CNTN1: variants seen among roughly 807,000 people sequenced by gnomAD.
CNTN1 encodes the protein contactin 1, also known as contactin-1.
Under a neutral mutation model 126.4 loss-of-function variants are expected in CNTN1, and 38 were observed. That is an observed-to-expected ratio of 0.30 (90% CI 0.23 to 0.39). The LOEUF is 0.39. Among genes scored for constraint, CNTN1 ranks in the 10% least tolerant of loss-of-function variants. CNTN1 has a pLI of 1.00. For missense variants in CNTN1, 1,009 were observed against 1,248.4 expected, an observed-to-expected ratio of 0.81 and a Z score of 2.89; for synonymous variants, 413 against 422.6, an observed-to-expected ratio of 0.98 and a Z score of 0.28.
intron 1 of CNTN1, among the ~76,000 whole-genome samples, chr12:40,873,095 A>G (rs1370826735): frequency 6.6e-6 from 1 of 152,170 alleles, no homozygotes. Context: ...GTAACCCAAT[A>G]AAAGTATCAC....
At chr12:40,846,910 C>G (rs1452619322) in intron 1 of CNTN1, among the ~76,000 whole-genome samples, 1 of 152,180 alleles carries the variant, frequency 6.6e-6, no homozygotes, top group East Asian at 1.9e-4. Context: ...CTCTGTCGCC[C>G]AGGCTGGAGT....
intron 15 of CNTN1, chr12:40,972,644 C>T (rs949766196): frequency 1.1e-6 from 1 of 945,806 alleles, no homozygotes; most frequent in Non-Finnish European, 1.3e-6. Context: ...TTATTTCCTT[C>T]TTTTATATTT....
At chr12:40,743,721 C>T (rs1174956969) in intron 1 of CNTN1, among the ~76,000 whole-genome samples, 2 of 151,820 alleles carry the variant, frequency 1.3e-5, no homozygotes, top group African/African-American at 4.8e-5. Flanking sequence ...CAAAAATATT[C>T]TCCCATTTTG....
intron 1 of CNTN1, among the ~76,000 whole-genome samples, chr12:40,720,333 CTTAA>C (rs776307969): frequency 1.3e-5 from 2 of 151,622 alleles, no homozygotes; most frequent in African/African-American, 4.9e-5. Flanking sequence ...CTTTTAAAGA[CTTAA>C]TTAAGAGTAT....
intron 11 of CNTN1, among the ~76,000 whole-genome samples, chr12:40,938,678 C>T (rs888451718): frequency 1.4e-4 from 21 of 152,286 alleles, no homozygotes; most frequent in Admixed American, 6.5e-4. Context: ...TCAATTTTTT[C>T]CAGCCTTTCA....
intron 1 of CNTN1, among the ~76,000 whole-genome samples, chr12:40,830,592 T>A (rs1592134070): frequency 6.6e-6 from 1 of 151,082 alleles, no homozygotes; most frequent in East Asian, 1.9e-4. Context: ...ATATAAGGGT[T>A]TATAATTTCT....
chr12:40,833,969 C>T (rs576900661), intron 1 of CNTN1, among the ~76,000 whole-genome samples: 11 of 152,308 alleles, frequency 7.2e-5, no homozygotes, highest in Admixed American at 3.9e-4. Flanking sequence ...TGAGGAACTA[C>T]ACTACACATC....
chr12:40,944,247 T>TGG, intron 14 of CNTN1, 77 bp downstream of exon 14: 1 of 1,318,198 alleles, frequency 7.6e-7, no homozygotes, highest in South Asian at 1.2e-5. Context: ...ATTACTATAA[T>TGG]CACATTTTAT....
intron 1 of CNTN1, among the ~76,000 whole-genome samples, chr12:40,867,225 G>C (rs1943326138): frequency 6.6e-6 from 1 of 152,078 alleles, no homozygotes; most frequent in Admixed American, 6.6e-5. Flanking sequence ...TTGGTCTAGT[G>C]ACATAGAAAC....
intron 1 of CNTN1, among the ~76,000 whole-genome samples, chr12:40,722,905 C>G (rs1488566252): frequency 6.6e-6 from 1 of 151,566 alleles, no homozygotes; most frequent in Non-Finnish European, 1.5e-5. Flanking sequence ...ATTTTTTTTC[C>G]TATGTAAAGG....
intron 1 of CNTN1, among the ~76,000 whole-genome samples, chr12:40,891,652 A>G (rs1944243372): frequency 1.3e-5 from 2 of 152,080 alleles, no homozygotes; most frequent in African/African-American, 4.8e-5. Context: ...CTGTTTCTTA[A>G]TTAAATTGCC....
intron 1 of CNTN1, among the ~76,000 whole-genome samples, chr12:40,755,144 T>C (rs1308956248): frequency 1.6e-5 from 2 of 128,086 alleles, no homozygotes; most frequent in Admixed American, 9.1e-5. Flanking sequence ...TGAACCATGA[T>C]TTTTCCACTG....
At chr12:40,786,165 A>T (rs1261421038) in intron 1 of CNTN1, among the ~76,000 whole-genome samples, 1 of 151,986 alleles carries the variant, frequency 6.6e-6, no homozygotes, top group Non-Finnish European at 1.5e-5. Flanking sequence ...TCATTCTCCG[A>T]CTCATTTGGG....
chr12:40,730,575 T>TGGAAA (rs1942471573), intron 1 of CNTN1, among the ~76,000 whole-genome samples: 1 of 152,192 alleles, frequency 6.6e-6, no homozygotes, highest in Admixed American at 6.5e-5. Context: ...TATGTTCCTT[T>TGGAAA]TGACAGTTGT....
At chr12:40,903,358 C>T (rs111278602) in intron 1 of CNTN1, among the ~76,000 whole-genome samples, 12 of 150,500 alleles carry the variant, frequency 8.0e-5, no homozygotes, top group African/African-American at 2.9e-4. Flanking sequence ...CAAGTCTGCT[C>T]CTGTGACTGG....
chr12:41,018,903 T>A lies in CNTN1; in HGVS notation c.2420-1434T>A, dbSNP rs140419208. Among the ~76,000 whole-genome samples, 156 of 152,244 alleles carry A rather than the reference T, an allele frequency of 1.0e-3. 1 individual carries two copies. In the East Asian group the frequency reaches 0.017, roughly 17 times the overall value. ...TGAGCGTGGTGGCTCATGCCTATAATCCCAGCACTTTGGGAGGTCGAGGTG... is the reference window on the plus strand; with the variant it reads ...TGAGCGTGGTGGCTCATGCCTATAAACCCAGCACTTTGGGAGGTCGAGGTG... On this transcript the variant is annotated intron_variant, in intron 19 of 23. Transcript: ENST00000551295.
At chr12:40,984,312 A>C (rs1947899229) in intron 16 of CNTN1, among the ~76,000 whole-genome samples, 1 of 152,060 alleles carries the variant, frequency 6.6e-6, no homozygotes, top group Admixed American at 6.6e-5. Flanking sequence ...CATCTGTCTA[A>C]GTCTATTTTG....
chr12:40,778,786 G>A (rs983631063), intron 1 of CNTN1, among the ~76,000 whole-genome samples: 4 of 151,716 alleles, frequency 2.6e-5, no homozygotes, highest in African/African-American at 7.3e-5. Context: ...GGCTCTCAAC[G>A]ACTGATTGTT....
chr12:40,841,034 A>G (rs1204469661), intron 1 of CNTN1, among the ~76,000 whole-genome samples: 1 of 151,954 alleles, frequency 6.6e-6, no homozygotes, highest in East Asian at 1.9e-4. Flanking sequence ...TCAAAAATAT[A>G]AACAAAATGG....
Sources: allele counts gnomAD v4.1 joint callset (sites outside exome capture counted in the v4.1 genomes callset), GRCh38; gene constraint gnomAD v4.1.1; transcripts MANE v1.5; gene names NCBI Gene and HGNC (gene_info 2026-07-23, HGNC 2026-07-21).